The following ZNF652 variants were observed in gnomAD, a reference collection of about 807,000 sequenced individuals.
The protein encoded by ZNF652 is zinc finger protein 652.
In ZNF652, 16 loss-of-function variants were observed where a neutral mutation model predicts 45.2. The ratio of observed to expected loss-of-function variants is 0.35; its 90% CI spans 0.24 to 0.54. The LOEUF (loss-of-function observed/expected upper bound fraction) is 0.54. Ranked by LOEUF, ZNF652 falls within the 20% of genes least tolerant of loss-of-function variation. The pLI is 0.91. For synonymous variants in ZNF652, 250 were observed against 260.6 expected, an observed-to-expected ratio of 0.96 and a Z score of 0.39; for missense variants, 614 against 765.6, an observed-to-expected ratio of 0.80 and a Z score of 2.34.
chr17:49,306,090 G>C (rs2069624873), intron 5 of ZNF652, among the ~76,000 whole-genome samples: 2 of 152,202 alleles, frequency 1.3e-5, no homozygotes, highest in African/African-American at 4.8e-5. Flanking sequence ...GAGGTCTAGA[G>C]AGGTTACACA....
chr17:49,342,058 C>T (rs960228387), intron 1 of ZNF652, among the ~76,000 whole-genome samples: 4 of 151,922 alleles, frequency 2.6e-5, no homozygotes, highest in Admixed American at 6.6e-5. Context: ...TGGTGGCAGG[C>T]GCCTATAATC....
chr17:49,351,043 AC>A (rs1223583243), intron 1 of ZNF652, among the ~76,000 whole-genome samples: 2 of 137,070 alleles, frequency 1.5e-5, no homozygotes, highest in Non-Finnish European at 3.2e-5. Flanking sequence ...ACACACACAC[AC>A]ACACACACAC....
chr17:49,317,127 G>T lies in ZNF652; in HGVS notation c.599C>A (p.Ala200Glu). The T allele has an allele frequency of 6.2e-7, 1 of 1,614,042 alleles. No homozygotes were observed. The highest frequency in any genetic ancestry group is 1.3e-5 in the African/African-American group (1 of 75,000). The change falls in exon 2 of 6, where the codon GCA becomes GAA. Residue 200 changes from alanine to glutamate, a missense_variant. Physicochemically the swap from Ala to Glu is moderately radical, Grantham distance 107 (BLOSUM62 -1). Around this residue, in one of 5 missense-constraint regions of ZNF652, gnomAD observed 262 missense variants for 306.3 expected, o/e 0.86. Coordinates refer to ENST00000430262, the MANE Select transcript of ZNF652 (RefSeq NM_001145365.3). Reference protein sequence around the residue: ...RRTRRAASVAAATTSPTPRTT... With the variant: ...RRTRRAASVAEATTSPTPRTT... ...TCTGGGAGTAGGGGAAGTGGTAGCT[G>T]CGGCAACAGAGGCAGCTCTCCTGGT...
At chr17:49,352,782 G>T (rs976269720) in intron 1 of ZNF652, among the ~76,000 whole-genome samples, 6 of 152,138 alleles carry the variant, frequency 3.9e-5, no homozygotes, top group African/African-American at 1.4e-4. Context: ...CCATACAAAG[G>T]AGTATTACCT....
rs1342506413 is a variant in ZNF652, at chr17:49,290,193, TAAG to T, written c.*8217_*8219del. 3.3e-5 allele frequency: 5 copies of T among 152,284 alleles called. No individual in the cohort carries two copies. Among genetic ancestry groups the T allele is most frequent in the Non-Finnish European group, 7.3e-5 (5 of 68,120 alleles). The allele number at this position is 152,284 out of a possible 1,614,324, so 9.4% of individuals were successfully genotyped here. A position where few individuals can be genotyped will look rare whatever the true frequency, so the allele number is the denominator to read the frequency against. ...GTGAGGTGGCCAGGCAGAAATCAGT[TAAG>T]AAGGCCATTCCAGGTGTAAATGCCT... On this transcript the variant is annotated 3_prime_UTR_variant, in exon 6 of 6. Coordinates refer to ENST00000430262, the MANE Select transcript of ZNF652 (RefSeq NM_001145365.3).
intron 1 of ZNF652, among the ~76,000 whole-genome samples, chr17:49,348,100 AG>A (rs2070226107): frequency 6.6e-6 from 1 of 152,176 alleles, no homozygotes; most frequent in Non-Finnish European, 1.5e-5. Context: ...AGGAAATAAA[AG>A]GGACTGAGGA....
chr17:49,332,607 A>T (rs545184290), intron 1 of ZNF652, among the ~76,000 whole-genome samples: 7 of 152,100 alleles, frequency 4.6e-5, no homozygotes, highest in Admixed American at 2.0e-4. Context: ...CAGGCTAAAA[A>T]CTCTCATCAC....
chr17:49,350,974 T>TACATATAC (rs1186420137), intron 1 of ZNF652, among the ~76,000 whole-genome samples: 4 of 24,728 alleles, frequency 1.6e-4, no homozygotes, highest in South Asian at 9.6e-4. Flanking sequence ...TGTCTACATA[T>TACATATAC]ATATATATAT....
At chr17:49,322,381 A>G (rs980846825) in intron 1 of ZNF652, 1 of 152,260 alleles carries the variant, frequency 6.6e-6, no homozygotes, top group Non-Finnish European at 1.5e-5. Flanking sequence ...CTCTACTTCT[A>G]TACCTTCCTT....
rs1567698709 is a variant in ZNF652, at chr17:49,347,735, G to GTTTTTTTTTTTTTTTTTTT, written c.-259+14173_-259+14174insAAAAAAAAAAAAAAAAAAA. On this transcript the variant is annotated intron_variant, in intron 1 of 5. Coordinates refer to ENST00000430262, the MANE Select transcript of ZNF652 (RefSeq NM_001145365.3). The stretch of plus-strand genomic sequence containing the variant: ...TGCCTGCAAGAAAAATTGAACCTTG[G>GTTTTTTTTTTTTTTTTTTT]TTTTGTTTTTTTTTTTTTTTTTTTT... Among the ~76,000 whole-genome samples, 5 of 124,410 alleles carry GTTTTTTTTTTTTTTTTTTT rather than the reference G, an allele frequency of 4.0e-5. 2 individuals are homozygous for GTTTTTTTTTTTTTTTTTTT. The highest frequency in any genetic ancestry group is 3.2e-5 in the Non-Finnish European group (2 of 61,822). The allele number at this position is 124,410 out of a possible 152,430, so 81.6% of individuals were successfully genotyped here.
At position 49,290,335 on chromosome 17, in the gene ZNF652, G is replaced by GCTCT. The variant is rs2069388142; in HGVS notation, c.*8077_*8078insAGAG. 3.9e-5 allele frequency: 6 copies of GCTCT among 152,378 alleles called. No homozygotes were observed. In the South Asian group the frequency reaches 6.2e-4, roughly 16 times the overall value. The allele number at this position is 152,378 out of a possible 1,614,324, so 9.4% of individuals were successfully genotyped here. A position where few individuals can be genotyped will look rare whatever the true frequency, so the allele number is the denominator to read the frequency against. On this transcript the variant is annotated 3_prime_UTR_variant, in exon 6 of 6. Transcript: ENST00000430262. ...TAAGCACAAACAGAACTCATGGCCA[G>GCTCT]AGAGCTGATGACCACGGATAGGAGC... is the stretch of plus-strand genomic sequence containing the variant.
intron 1 of ZNF652, among the ~76,000 whole-genome samples, chr17:49,360,964 T>G (rs2070386330): frequency 6.6e-6 from 1 of 152,114 alleles, no homozygotes; most frequent in Non-Finnish European, 1.5e-5. Context: ...GGGAACAATC[T>G]GGGGGCAAAG....
chr17:49,315,641 G>C (rs1304948980), intron 2 of ZNF652, among the ~76,000 whole-genome samples: 1 of 151,204 alleles, frequency 6.6e-6, no homozygotes, highest in Non-Finnish European at 1.5e-5. Context: ...ATCCAAGTTT[G>C]ACCCCTAGAG....
intron 5 of ZNF652, among the ~76,000 whole-genome samples, chr17:49,304,362 C>A (rs1302080515): frequency 6.6e-6 from 1 of 152,050 alleles, no homozygotes; most frequent in Non-Finnish European, 1.5e-5. Context: ...TGTTCCAGAC[C>A]TTCACTTGAC....
chr17:49,316,692 G>T, intron 2 of ZNF652, 134 bp downstream of exon 2: 1 of 972,952 alleles, frequency 1.0e-6, no homozygotes, highest in Non-Finnish European at 1.5e-6. Context: ...CAAAGCAGGA[G>T]CTTTTCAAAT....
intron 1 of ZNF652, among the ~76,000 whole-genome samples, chr17:49,343,232 A>G (rs1217281809): frequency 1.3e-5 from 2 of 152,228 alleles, no homozygotes; most frequent in Non-Finnish European, 2.9e-5. Context: ...TCTATAATGT[A>G]CAATGAATGA....
chr17:49,344,198 T>A (rs1350847166), intron 1 of ZNF652, among the ~76,000 whole-genome samples: 11 of 118,628 alleles, frequency 9.3e-5, no homozygotes, highest in African/African-American at 3.0e-4. Flanking sequence ...GAGACTCCGT[T>A]TCAAAAAAAA....
intron 1 of ZNF652, among the ~76,000 whole-genome samples, chr17:49,356,427 T>C (rs1190371268): frequency 1.0e-4 from 1 of 9,616 alleles, no homozygotes; most frequent in Non-Finnish European, 1.9e-4. Flanking sequence ...AGACTCTGTC[T>C]GCAAAAAAAA....
rs755094138 is a variant in ZNF652, at chr17:49,292,575, T to C, written c.*5838A>G. On this transcript the variant is annotated 3_prime_UTR_variant, in exon 6 of 6. Transcript: ENST00000430262. ...ATGTGTACGGAAGGGAGTGGGCACA[T>C]GGGAACAGGGCAGAGCAACAGCAGC... Among the ~76,000 whole-genome samples the C allele has an allele frequency of 3.9e-5, 6 of 152,016 alleles. No homozygotes were observed. Among genetic ancestry groups the C allele is most frequent in the Non-Finnish European group, 5.9e-5 (4 of 68,022 alleles).
Sources: allele counts gnomAD v4.1 joint callset (sites outside exome capture counted in the v4.1 genomes callset), GRCh38; gene constraint gnomAD v4.1.1; regional missense constraint gnomAD v4.1.1; transcripts MANE v1.5; gene names NCBI Gene and HGNC (gene_info 2026-07-23, HGNC 2026-07-21).